The following DOCK11 variants were observed in gnomAD, a reference collection of about 807,000 sequenced individuals.
DOCK11 encodes dedicator of cytokinesis 11.
Under a neutral mutation model 169.1 loss-of-function variants are expected in DOCK11, and 70 were observed. The observed-to-expected ratio is 0.41, with a 90% CI of 0.34 to 0.51. The LOEUF (loss-of-function observed/expected upper bound fraction) is 0.51. Among genes scored for constraint, DOCK11 ranks in the 20% least tolerant of loss-of-function variants. The pLI is 0.10. For synonymous variants in DOCK11, 529 were observed against 541.3 expected (o/e 0.98, Z 0.32); for missense variants, 1,166 against 1,538.8 (o/e 0.76, Z 4.05).
intron 29 of DOCK11, 44 bp downstream of exon 29, chrX:118,614,819 G>A: frequency 1.1e-6 from 1 of 901,376 alleles, no homozygotes; most frequent in Non-Finnish European, 1.6e-6. Context: ...AGACATCTGA[G>A]CATAAGACCA....
At position 118,675,495 on chromosome X, in the gene DOCK11, C is replaced by A. The variant is rs2016586562; in HGVS notation, c.5200-441C>A. ...TCATTGAGGAACAGAAAACCACATA[C>A]CGCGTGTTCTCACTCAAGTGGGAGC... On this transcript the variant is annotated intron_variant, in intron 46 of 52. Coordinates refer to ENST00000276202, the MANE Select transcript of DOCK11 (RefSeq NM_144658.4). Among the ~76,000 whole-genome samples the A allele has an allele frequency of 2.7e-5, 3 of 109,720 alleles. 1 individual carries two copies. Among genetic ancestry groups the A allele is most frequent in the South Asian group, 8.0e-4 (2 of 2,495 alleles).
chrX:118,518,271 G>T (rs1024122855), intron 1 of DOCK11, among the ~76,000 whole-genome samples: 1 of 111,463 alleles, frequency 9.0e-6, no homozygotes, highest in South Asian at 3.7e-4. Flanking sequence ...ATTATGATGC[G>T]CATCTTGGTA....
intron 1 of DOCK11, among the ~76,000 whole-genome samples, chrX:118,526,698 G>A (rs2011385375): frequency 8.9e-6 from 1 of 112,388 alleles, no homozygotes; most frequent in Non-Finnish European, 1.9e-5. Context: ...ATTTAACAGA[G>A]GACAGAGTGA....
At chrX:118,616,250 A>G (rs1019531022) in intron 30 of DOCK11, 6 of 954,821 alleles carry the variant, frequency 6.3e-6, no homozygotes, top group Non-Finnish European at 8.1e-6. Context: ...GGTAGGTTTA[A>G]CTCGGTTCAC....
chrX:118,670,920 T>C lies in DOCK11; in HGVS notation c.5077-103T>C, dbSNP rs147044755. On this transcript the variant is annotated intron_variant, in intron 45 of 52. Transcript: ENST00000276202. Reference sequence around the variant, plus strand: ...CTTTTGTGCATCTCATTGAATTTAGTACCATCTGTTTGTTTTCTACCAACT... The same window carrying C: ...CTTTTGTGCATCTCATTGAATTTAGCACCATCTGTTTGTTTTCTACCAACT... 16 of 746,664 alleles carry C rather than the reference T, an allele frequency of 2.1e-5. No individual in the cohort carries two copies. The Admixed American group carries it at 6.0e-4, about 28-fold the overall frequency. The allele number at this position is 746,664 out of a possible 1,213,427, so 61.5% of individuals were successfully genotyped here. A position where few individuals can be genotyped will look rare whatever the true frequency, so the allele number is the denominator to read the frequency against.
At chrX:118,637,867 T>C (rs1035399557) in intron 36 of DOCK11, among the ~76,000 whole-genome samples, 1 of 111,752 alleles carries the variant, frequency 8.9e-6, no homozygotes, top group South Asian at 3.7e-4. Context: ...AAATTGTATA[T>C]GAAAACATGA....
intron 6 of DOCK11, among the ~76,000 whole-genome samples, chrX:118,554,414 G>A (rs987387335): frequency 1.8e-4 from 20 of 110,459 alleles, no homozygotes; most frequent in African/African-American, 6.3e-4. Flanking sequence ...GCCAGGCGTC[G>A]TGGTGTGCAC....
Position 118,638,064 on chromosome X carries a change from T to C in DOCK11, c.3954-16T>C. The C allele has an allele frequency of 8.5e-7, 1 of 1,180,087 alleles. No individual in the cohort carries two copies. Among genetic ancestry groups the C allele is most frequent in the Non-Finnish European group, 1.2e-6 (1 of 868,681 alleles). ...ATGTTAATATATTACTAACATGCTA[T>C]TGTTTTTCTTTCTAGAGTATGCTTG... On this transcript the variant is annotated splice_polypyrimidine_tract_variant and intron_variant, in intron 36 of 52. Transcript: ENST00000276202.
intron 23 of DOCK11, among the ~76,000 whole-genome samples, chrX:118,601,434 A>G (rs1201500590): frequency 9.1e-6 from 1 of 110,359 alleles, no homozygotes; most frequent in African/African-American, 3.3e-5. Flanking sequence ...AAAAAAAAAA[A>G]AAAGAAAAAA....
Position 118,580,180 on chromosome X carries a change from G to T in DOCK11, c.1595+1G>T. The T allele has an allele frequency of 8.3e-7, 1 of 1,202,964 alleles. No homozygotes were observed. Among genetic ancestry groups the T allele is most frequent in the Non-Finnish European group, 1.1e-6 (1 of 890,294 alleles). On this transcript the variant is annotated splice_donor_variant, in intron 14 of 52. Transcript: ENST00000276202. LOFTEE classifies it high-confidence loss of function. ...GAATGCCCTTCGCTTGGGCTGCCAG[G>T]TTTGTACAAATATAATCCTGACCCG...
chrX:118,496,998 G>A lies in DOCK11; in HGVS notation c.102+925G>A, dbSNP rs1456535399. ...GAGAAAGGCTAAAGGGTGCTAACGG[G>A]CACTTGCCCCTTCTCTTGTTTTCAA... On this transcript the variant is annotated intron_variant, in intron 1 of 52. Coordinates refer to ENST00000276202, the MANE Select transcript of DOCK11 (RefSeq NM_144658.4). Among the ~76,000 whole-genome samples, 3 of 112,572 alleles carry A rather than the reference G, an allele frequency of 2.7e-5. No individual in the cohort carries two copies. In the East Asian group the frequency reaches 8.4e-4, roughly 32 times the overall value.
intron 1 of DOCK11, among the ~76,000 whole-genome samples, chrX:118,508,142 C>T (rs1035430857): frequency 9.1e-6 from 1 of 110,497 alleles, no homozygotes; most frequent in African/African-American, 3.3e-5. Context: ...CAAAGTAAGC[C>T]TAAGGATATT....
chrX:118,582,090 A>G (rs1028322736), intron 14 of DOCK11, among the ~76,000 whole-genome samples: 10 of 110,359 alleles, frequency 9.1e-5, no homozygotes, highest in Non-Finnish European at 1.9e-4. Context: ...AGATCACAGC[A>G]CTGTACTTCA....
chrX:118,573,811 G>A lies in DOCK11; in HGVS notation c.1182G>A (p.Glu394=). The A allele has an allele frequency of 8.3e-7, 1 of 1,202,471 alleles. No homozygotes were observed. Among genetic ancestry groups the A allele is most frequent in the Non-Finnish European group, 1.1e-6 (1 of 889,518 alleles). The change falls in exon 12 of 53, where the codon GAG becomes GAA. Residue 394 remains glutamate, a synonymous_variant. Coordinates refer to ENST00000276202, the MANE Select transcript of DOCK11 (RefSeq NM_144658.4). ...DNAKGPPTNV[E]PFFINLALFD... ...GTAACTGTTTTCATTCCCAGGTTGAGCCCTTTTTTATCAATCTTGCCTTAT... is the reference window on the plus strand; with the variant it reads ...GTAACTGTTTTCATTCCCAGGTTGAACCCTTTTTTATCAATCTTGCCTTAT...
intron 39 of DOCK11, 145 bp downstream of exon 39, chrX:118,641,450 T>G (rs1410686093): frequency 2.2e-6 from 1 of 459,399 alleles, no homozygotes; most frequent in African/African-American, 2.5e-5. Flanking sequence ...TTGGTTATCA[T>G]GTGACCCTGG....
At chrX:118,683,526 A>G (rs941434033) in intron 52 of DOCK11, among the ~76,000 whole-genome samples, 1 of 111,912 alleles carries the variant, frequency 8.9e-6, no homozygotes, top group Admixed American at 9.5e-5. Flanking sequence ...TTTAGAAACT[A>G]TCTAGTTGAT....
chrX:118,517,505 A>G (rs1030797718), intron 1 of DOCK11, among the ~76,000 whole-genome samples: 4 of 110,837 alleles, frequency 3.6e-5, no homozygotes, highest in African/African-American at 1.3e-4. Context: ...GAGCATTATT[A>G]TTTTTATAAA....
At chrX:118,631,494 T>C (rs1191719244) in intron 35 of DOCK11, among the ~76,000 whole-genome samples, 1 of 111,990 alleles carries the variant, frequency 8.9e-6, no homozygotes, top group South Asian at 3.6e-4. Flanking sequence ...TTGCTAACAT[T>C]TATGGAGTTT....
chrX:118,584,915 A>T, intron 15 of DOCK11, 58 bp downstream of exon 15: 1 of 1,158,702 alleles, frequency 8.6e-7, no homozygotes, highest in Non-Finnish European at 1.2e-6. Flanking sequence ...TCAGTTTTTT[A>T]AAATGATGAA....
Sources: allele counts gnomAD v4.1 joint callset (sites outside exome capture counted in the v4.1 genomes callset), GRCh38; gene constraint gnomAD v4.1.1; transcripts MANE v1.5; gene names NCBI Gene and HGNC (gene_info 2026-07-23, HGNC 2026-07-21).